Variants in FAM81A observed in about 807,000 individuals in gnomAD.
The protein encoded by FAM81A is protein FAM81A.
Under a neutral mutation model 46.7 loss-of-function variants are expected in FAM81A, and 19 were observed. That is an observed-to-expected ratio of 0.41 (90% CI 0.28 to 0.60). The LOEUF is 0.60. Among genes scored for constraint, FAM81A ranks in the 20% least tolerant of loss-of-function variants. The pLI, the probability that FAM81A is intolerant of heterozygous loss-of-function variation, is 0.34. For synonymous variants in FAM81A, 183 were observed against 152.9 expected, an observed-to-expected ratio of 1.20 and a Z score of -1.45; for missense variants, 377 against 453.5, an observed-to-expected ratio of 0.83 and a Z score of 1.53.
chr15:59,489,314 T>TATACATACATACATAC (rs1308522125), intron 3 of FAM81A, among the ~76,000 whole-genome samples: 32 of 139,624 alleles, frequency 2.3e-4, no homozygotes, highest in African/African-American at 6.8e-4. Flanking sequence ...TACATACATA[T>TATACATACATACATAC]ATACATACAT....
chr15:59,464,612 T>C (rs1023214082), intron 3 of FAM81A, among the ~76,000 whole-genome samples: 2 of 152,250 alleles, frequency 1.3e-5, no homozygotes, highest in African/African-American at 4.8e-5. Context: ...CATTTGTATG[T>C]CTGCTTTTGA....
chr15:59,519,988 C>T (rs1396564309), intron 8 of FAM81A, among the ~76,000 whole-genome samples: 2 of 152,142 alleles, frequency 1.3e-5, no homozygotes, highest in Non-Finnish European at 2.9e-5. Flanking sequence ...AACCTCTATA[C>T]CAAGCTTGTC....
intron 2 of FAM81A, among the ~76,000 whole-genome samples, chr15:59,403,873 G>GTTTCT (rs1472445741): frequency 7.0e-6 from 1 of 143,072 alleles, no homozygotes; most frequent in Non-Finnish European, 1.5e-5. Context: ...GGACCAAATT[G>GTTTCT]TTTCTTTTCT....
intron 7 of FAM81A, among the ~76,000 whole-genome samples, chr15:59,514,822 T>C (rs1170624443): frequency 6.6e-6 from 1 of 152,266 alleles, no homozygotes; most frequent in Non-Finnish European, 1.5e-5. Flanking sequence ...ACCATTCTAC[T>C]GTAGCTACAT....
At chr15:59,464,755 C>A (rs1292250125) in intron 3 of FAM81A, among the ~76,000 whole-genome samples, 2 of 152,156 alleles carry the variant, frequency 1.3e-5, no homozygotes, top group African/African-American at 4.8e-5. Flanking sequence ...TTTCTCCCAT[C>A]CTGTAGATTG....
At chr15:59,413,557 T>C (rs1168750555) in intron 2 of FAM81A, among the ~76,000 whole-genome samples, 1 of 152,174 alleles carries the variant, frequency 6.6e-6, no homozygotes, top group African/African-American at 2.4e-5. Context: ...AAAAAGTCTC[T>C]GTACTTGAGC....
intron 3 of FAM81A, among the ~76,000 whole-genome samples, chr15:59,475,453 G>T (rs2081754627): frequency 6.6e-6 from 1 of 152,062 alleles, no homozygotes; most frequent in African/African-American, 2.4e-5. Flanking sequence ...GCCTAAACAT[G>T]TTTCTTTAAG....
At position 59,427,052 on chromosome 15, in the gene FAM81A, C is replaced by T. The variant is rs144509702; in HGVS notation, c.-78+24694C>T. ...TCAGACAATCTGTTTCTGTTTCTTT[C>T]TCCCATTTGCCTGGGAGTGACCTCC... is the stretch of plus-strand genomic sequence containing the variant. On this transcript the variant is annotated intron_variant, in intron 2 of 4. Transcript: ENST00000558348. Among the ~76,000 whole-genome samples the T allele has an allele frequency of 2.0e-4, 30 of 152,318 alleles. No individual in the cohort carries two copies. In the East Asian group the frequency reaches 5.6e-3, roughly 28 times the overall value.
intron 2 of FAM81A, among the ~76,000 whole-genome samples, chr15:59,405,931 C>A (rs1254545875): frequency 1.3e-5 from 2 of 152,218 alleles, no homozygotes; most frequent in African/African-American, 4.8e-5. Flanking sequence ...CAGTCTGGAA[C>A]AGTCAGTCAC....
At chr15:59,464,560 G>C (rs934296915) in intron 3 of FAM81A, among the ~76,000 whole-genome samples, 6 of 152,128 alleles carry the variant, frequency 3.9e-5, no homozygotes, top group Non-Finnish European at 8.8e-5. Context: ...GCATTTCCCT[G>C]ATAATTAGTG....
At position 59,458,796 on chromosome 15, in the gene FAM81A, T is replaced by C. The variant is rs1233040952; in HGVS notation, c.20+150T>C. On this transcript the variant is annotated intron_variant, in intron 2 of 8. Coordinates refer to ENST00000288228, the MANE Select transcript of FAM81A (RefSeq NM_152450.3). ...GTCCTCTAGCTTTCAATTTATAGGATACTGTGGACCACTCAGTGACCCCAA... is the reference window on the plus strand; with the variant it reads ...GTCCTCTAGCTTTCAATTTATAGGACACTGTGGACCACTCAGTGACCCCAA... The C allele has an allele frequency of 4.2e-6, 3 of 719,008 alleles. No homozygotes were observed. In the Admixed American group the frequency reaches 7.8e-5, roughly 19 times the overall value. The allele number at this position is 719,008 out of a possible 1,614,324, so 44.5% of individuals were successfully genotyped here.
intron 2 of FAM81A, among the ~76,000 whole-genome samples, chr15:59,424,213 C>T (rs2081186251): frequency 6.6e-6 from 1 of 152,168 alleles, no homozygotes; most frequent in South Asian, 2.1e-4. Context: ...GGGTTCATAC[C>T]CTCCTTGAAA....
chr15:59,469,632 T>C (rs556661328), intron 3 of FAM81A, among the ~76,000 whole-genome samples: 42 of 152,266 alleles, frequency 2.8e-4, no homozygotes, highest in Non-Finnish European at 4.9e-4. Flanking sequence ...ATGGGTCTCC[T>C]GAATACAGCA....
chr15:59,492,487 G>A (rs1010481721), intron 4 of FAM81A, 98 bp downstream of exon 4: 2 of 959,022 alleles, frequency 2.1e-6, no homozygotes, highest in Middle Eastern at 2.1e-4. Flanking sequence ...AAAGCAAATG[G>A]CTTGCATTCC....
At chr15:59,446,018 T>A (rs181903126) in intron 1 of FAM81A, among the ~76,000 whole-genome samples, 3 of 152,176 alleles carry the variant, frequency 2.0e-5, no homozygotes, top group African/African-American at 7.2e-5. Context: ...GCAATCGATA[T>A]GTCATTTGGG....
At chr15:59,446,704 C>G (rs537375923) in intron 1 of FAM81A, 7 of 152,262 alleles carry the variant, frequency 4.6e-5, no homozygotes, top group African/African-American at 1.7e-4. Context: ...CCTGGAACCT[C>G]GAGTTTTTGG....
At chr15:59,437,190 C>T (rs1185731975), upstream of FAM81A, among the ~76,000 whole-genome samples, 1 of 152,100 alleles carries the variant, frequency 6.6e-6, no homozygotes, top group African/African-American at 2.4e-5. Flanking sequence ...AATTCCAAAA[C>T]CGCTCAGCCG....
chr15:59,479,217 TAGAA>T (rs1486739725), intron 3 of FAM81A, among the ~76,000 whole-genome samples: 4 of 151,926 alleles, frequency 2.6e-5, no homozygotes, highest in Admixed American at 1.3e-4. Context: ...GTGGCTGTCT[TAGAA>T]AGGATGGTGG....
In FAM81A at chr15:59,453,323, C is replaced by T. The variant is rs1360433170; in HGVS notation, c.-77-5227C>T. On this transcript the variant is annotated intron_variant, in intron 1 of 8. Transcript: ENST00000288228. Reference sequence around the variant, plus strand: ...GCTGAACATTTCTAAGTCTCTGTTTCCTCTGGTTCAATGTTGATAATAAGA... The same window carrying T: ...GCTGAACATTTCTAAGTCTCTGTTTTCTCTGGTTCAATGTTGATAATAAGA... 2.6e-5 allele frequency among the ~76,000 whole-genome samples: 4 copies of T among 152,188 alleles called. No homozygotes were observed. The East Asian group carries it at 5.8e-4, about 22-fold the overall frequency.
Sources: allele counts gnomAD v4.1 joint callset (sites outside exome capture counted in the v4.1 genomes callset), GRCh38; gene constraint gnomAD v4.1.1; transcripts MANE v1.5; gene names NCBI Gene and HGNC (gene_info 2026-07-23, HGNC 2026-07-21).